The following IGF2R variants were observed in gnomAD, a reference collection of about 807,000 sequenced individuals.
IGF2R encodes cation-independent mannose-6-phosphate receptor.
In IGF2R, 91 loss-of-function variants were observed where a neutral mutation model predicts 270.6. The observed-to-expected ratio is 0.34, with a 90% CI of 0.28 to 0.40. IGF2R has a LOEUF of 0.40. Among genes scored for constraint, IGF2R ranks in the 10% least tolerant of loss-of-function variants. The pLI is 1.00. For synonymous variants in IGF2R, 1,316 were observed against 1,258.9 expected, an observed-to-expected ratio of 1.05 and a Z score of -0.96; for missense variants, 2,805 against 3,188.3, an observed-to-expected ratio of 0.88 and a Z score of 2.90.
At chr6:160,061,420 A>C (rs1778435630) in intron 23 of IGF2R, 83 bp from the exon 24 acceptor site, 3 of 1,301,228 alleles carry the variant, frequency 2.3e-6, no homozygotes, top group Non-Finnish European at 3.3e-6. Flanking sequence ...ACGCCTCCTC[A>C]GGGCTTATTT....
At chr6:160,041,112 C>G (rs111302571) in intron 11 of IGF2R, among the ~76,000 whole-genome samples, 1 of 152,136 alleles carries the variant, frequency 6.6e-6, no homozygotes, top group Non-Finnish European at 1.5e-5. Context: ...CTTGCTGTTG[C>G]ACGGCAGGCA....
intron 1 of IGF2R, among the ~76,000 whole-genome samples, chr6:159,988,512 C>CAAAAAAAAAA (rs59531292): frequency 3.6e-4 from 18 of 50,462 alleles, no homozygotes; most frequent in East Asian, 8.3e-4. Flanking sequence ...GACTCCGTCT[C>CAAAAAAAAAA]AAAAAAAAAA....
rs776948710 is a variant in IGF2R at position 160,024,727 on chromosome 6, G to A, written c.646+23G>A. ...TAGGTATGAATCTTTGTGGGGCTGAGGGGGTGGTGGTGAGGGATTTCTTCT... is the reference window on the plus strand; with the variant it reads ...TAGGTATGAATCTTTGTGGGGCTGAAGGGGTGGTGGTGAGGGATTTCTTCT... On this transcript the variant is annotated intron_variant, in intron 5 of 47. Coordinates refer to ENST00000356956, the MANE Select transcript of IGF2R (RefSeq NM_000876.4). The A allele has an allele frequency of 5.6e-6, 9 of 1,611,298 alleles. No homozygotes were observed. In the Admixed American group the frequency reaches 1.5e-4, roughly 27 times the overall value.
intron 1 of IGF2R, among the ~76,000 whole-genome samples, chr6:159,973,029 A>G (rs1783634107): frequency 6.6e-6 from 1 of 152,208 alleles, no homozygotes; most frequent in Non-Finnish European, 1.5e-5. Context: ...CAAAGTTAGT[A>G]GAAAACTTGT....
chr6:160,057,438 A>G (rs1778339618), intron 20 of IGF2R, among the ~76,000 whole-genome samples: 1 of 152,212 alleles, frequency 6.6e-6, no homozygotes, highest in South Asian at 2.1e-4. Flanking sequence ...TTTCCAAACC[A>G]ACGGCCCCAG....
At chr6:160,002,366 A>G (rs1784143508) in intron 2 of IGF2R, among the ~76,000 whole-genome samples, 1 of 152,226 alleles carries the variant, frequency 6.6e-6, no homozygotes, top group Admixed American at 6.5e-5. Flanking sequence ...ACTCCTGCCT[A>G]GGTAAGAGAG....
intron 35 of IGF2R, among the ~76,000 whole-genome samples, chr6:160,074,454 A>C (rs1778814220): frequency 6.6e-6 from 1 of 152,248 alleles, no homozygotes; most frequent in Non-Finnish European, 1.5e-5. Flanking sequence ...TGCATTAAAA[A>C]ATTATTTTGT....
intron 21 of IGF2R, 28 bp from the exon 22 acceptor site, chr6:160,058,878 T>C (rs375994891): frequency 3.1e-5 from 49 of 1,598,794 alleles, no homozygotes; most frequent in Non-Finnish European, 4.2e-5. Flanking sequence ...TAAATTTGTT[T>C]GTATGGCTCT....
intron 2 of IGF2R, among the ~76,000 whole-genome samples, chr6:160,002,457 A>G (rs1392227758): frequency 6.6e-6 from 1 of 152,220 alleles, no homozygotes; most frequent in Non-Finnish European, 1.5e-5. Context: ...GCAGTGGATC[A>G]TCATATAAAG....
chr6:160,098,768 G>A lies in IGF2R; in HGVS notation c.6842+2143G>A, dbSNP rs111537037. Among the ~76,000 whole-genome samples the A allele has an allele frequency of 3.6e-3, 550 of 152,220 alleles. 2 individuals carry two copies. Among genetic ancestry groups the A allele is most frequent in the Admixed American group, 5.3e-3 (81 of 15,288 alleles). On this transcript the variant is annotated intron_variant, in intron 45 of 47. Transcript: ENST00000356956. ...TGGAAGGTGGAGGTTGCAGTGAGCCGAGATGGCGTCACTGTACTGCAGCCT... is the reference window on the plus strand; with the variant it reads ...TGGAAGGTGGAGGTTGCAGTGAGCCAAGATGGCGTCACTGTACTGCAGCCT...
intron 41 of IGF2R, among the ~76,000 whole-genome samples, chr6:160,085,863 G>A (rs1441462565): frequency 9.9e-5 from 15 of 152,208 alleles, no homozygotes. Context: ...TGGAGGGAGA[G>A]CTGCCATACA....
At position 160,071,999 on chromosome 6, in the gene IGF2R, C is replaced by A. The variant is rs759426249; in HGVS notation, c.4533C>A (p.Asn1511Lys). The change falls in exon 32 of 48, where the codon AAC (asparagine) becomes AAA (lysine). Residue 1511 changes from asparagine to lysine, a missense_variant. Around this residue, in one of 2 missense-constraint regions of IGF2R, gnomAD observed 1,851 missense variants for 2,207.2 expected, o/e 0.84. Transcript: ENST00000356956. The stretch of plus-strand genomic sequence containing the variant: ...CCACAGCCTGTCCCATGAAGAGCAA[C>A]GAGCATGATGACTGCCAGGTCACCA... Reference protein sequence around the residue: ...PTATACPMKSNEHDDCQVTNP... With the variant: ...PTATACPMKSKEHDDCQVTNP... 1.2e-6 allele frequency: 2 copies of A among 1,614,174 alleles called. No individual in the cohort carries two copies. The highest frequency in any genetic ancestry group is 1.7e-6 in the Non-Finnish European group (2 of 1,180,022).
intron 2 of IGF2R, among the ~76,000 whole-genome samples, chr6:159,995,956 A>T (rs1168558817): frequency 7.7e-6 from 1 of 130,708 alleles, no homozygotes; most frequent in Non-Finnish European, 1.6e-5. Flanking sequence ...TCTCATCTGG[A>T]TAAACTATCT....
intron 1 of IGF2R, among the ~76,000 whole-genome samples, chr6:159,985,689 G>T (rs1453487318): frequency 6.6e-6 from 1 of 152,178 alleles, no homozygotes; most frequent in Non-Finnish European, 1.5e-5. Flanking sequence ...TGCCATGGCA[G>T]CTAGTGCTGG....
intron 45 of IGF2R, among the ~76,000 whole-genome samples, chr6:160,099,157 C>G (rs147695890): frequency 6.6e-6 from 1 of 152,284 alleles, no homozygotes; most frequent in Non-Finnish European, 1.5e-5. Context: ...ACCAGGAGAG[C>G]AGATACAAAG....
intron 7 of IGF2R, among the ~76,000 whole-genome samples, chr6:160,030,181 C>T (rs762826232): frequency 6.6e-6 from 1 of 152,192 alleles, no homozygotes; most frequent in Non-Finnish European, 1.5e-5. Flanking sequence ...GTAAACTCTT[C>T]GAGTGTGGCT....
chr6:160,097,299 T>C (rs1779383912), intron 45 of IGF2R, among the ~76,000 whole-genome samples: 2 of 152,318 alleles, frequency 1.3e-5, no homozygotes, highest in East Asian at 1.9e-4. Context: ...CTTCTTATGT[T>C]ACCCCCACCC....
At chr6:160,098,544 C>T (rs778385092) in intron 45 of IGF2R, among the ~76,000 whole-genome samples, 15 of 152,046 alleles carry the variant, frequency 9.9e-5, no homozygotes, top group Non-Finnish European at 2.1e-4. Context: ...TATGGCCAGA[C>T]GCGGTGGCTC....
chr6:160,071,129 G>A (rs1352344228), intron 31 of IGF2R, among the ~76,000 whole-genome samples: 1 of 149,448 alleles, frequency 6.7e-6, no homozygotes, highest in African/African-American at 2.5e-5. Flanking sequence ...TGAGGGTGGT[G>A]TGTGGGGGCC....
Sources: allele counts gnomAD v4.1 joint callset (sites outside exome capture counted in the v4.1 genomes callset), GRCh38; gene constraint gnomAD v4.1.1; regional missense constraint gnomAD v4.1.1; transcripts MANE v1.5; gene names NCBI Gene and HGNC (gene_info 2026-07-23, HGNC 2026-07-21).